The following UPF3B variants were observed in gnomAD, a reference collection of about 807,000 sequenced individuals.
UPF3B encodes the protein regulator of nonsense transcripts 3B.
A neutral mutation model predicts 40.3 loss-of-function variants in UPF3B; 7 were observed. The ratio of observed to expected loss-of-function variants is 0.17; its 90% CI spans 0.10 to 0.33. The LOEUF is 0.33. Among genes scored for constraint, UPF3B ranks in the 10% least tolerant of loss-of-function variants. The probability of loss-of-function intolerance (pLI) is 1.00; values close to 1 mark genes in which losing one functional copy is unlikely to be tolerated. For synonymous variants in UPF3B, 117 were observed against 117.3 expected, an observed-to-expected ratio of 1.00 and a Z score of 0.01; for missense variants, 229 against 358.9, an observed-to-expected ratio of 0.64 and a Z score of 2.93.
intron 1 of UPF3B, 87 bp downstream of exon 1, chrX:119,852,682 GAGAA>G: frequency 2.6e-6 from 3 of 1,164,383 alleles, no homozygotes; most frequent in Admixed American, 2.2e-5. Flanking sequence ...AGGAGAACCT[GAGAA>G]AGAAAGGGGG....
At chrX:119,819,212 C>T (rs1245345163) in intron 4 of UPF3B, among the ~76,000 whole-genome samples, 4 of 109,634 alleles carry the variant, frequency 3.6e-5, no homozygotes, top group Non-Finnish European at 1.9e-5. Context: ...CACCACCACG[C>T]CTGGCTAATT....
chrX:119,832,654 T>C (rs760881182), downstream of UPF3B, among the ~76,000 whole-genome samples: 5 of 111,588 alleles, frequency 4.5e-5, no homozygotes, highest in East Asian at 1.4e-3. Flanking sequence ...TAATCTTGGC[T>C]ACCTTGAATA....
intron 4 of UPF3B, among the ~76,000 whole-genome samples, chrX:119,844,240 G>A: frequency 9.0e-6 from 1 of 110,696 alleles, no homozygotes; most frequent in East Asian, 2.8e-4. Flanking sequence ...TAGTAGAGAT[G>A]GGGTGTCACC....
At chrX:119,833,511 T>A (rs2056058272), downstream of UPF3B, among the ~76,000 whole-genome samples, 1 of 110,119 alleles carries the variant, frequency 9.1e-6, no homozygotes, top group Non-Finnish European at 1.9e-5. Context: ...AGCTAATTTT[T>A]AAAAATTATT....
intron 4 of UPF3B, among the ~76,000 whole-genome samples, chrX:119,817,644 C>A (rs540244149): frequency 8.9e-6 from 1 of 112,128 alleles, no homozygotes; most frequent in Admixed American, 9.6e-5. Context: ...ATTGCAAAAT[C>A]TTTTGGCATC....
chrX:119,850,060 T>TGG (rs200538827), intron 3 of UPF3B, among the ~76,000 whole-genome samples: 743 of 56,802 alleles, frequency 0.013, 8 homozygotes, highest in African/African-American at 0.05. Flanking sequence ...GAGGCTGAGG[T>TGG]GGGGGGGGGG....
At chrX:119,807,296 T>C (rs781004870) in intron 6 of UPF3B, among the ~76,000 whole-genome samples, 51 of 111,856 alleles carry the variant, frequency 4.6e-4, no homozygotes, top group Non-Finnish European at 7.9e-4. Context: ...ACACAAGACT[T>C]ACTCCTCTGC....
At chrX:119,823,134 C>A in intron 3 of UPF3B, 1 of 383,471 alleles carries the variant, frequency 2.6e-6, no homozygotes, top group Non-Finnish European at 3.3e-6. Context: ...TTAATATATA[C>A]TAAAGCCCAG....
chrX:119,844,800 T>C (rs1320384156), intron 4 of UPF3B, among the ~76,000 whole-genome samples: 1 of 110,446 alleles, frequency 9.1e-6, no homozygotes. Flanking sequence ...ACAGGGTTTC[T>C]CCATGTTGGT....
downstream of UPF3B, among the ~76,000 whole-genome samples, chrX:119,831,336 T>A (rs752724251): frequency 1.3e-4 from 14 of 109,634 alleles, no homozygotes; most frequent in Non-Finnish European, 2.1e-4. Context: ...TGTTTTTTTT[T>A]TTTGAGATTG....
chrX:119,806,889 C>G (rs1221253393), intron 6 of UPF3B, among the ~76,000 whole-genome samples: 1 of 108,435 alleles, frequency 9.2e-6, no homozygotes, highest in Non-Finnish European at 1.9e-5. Flanking sequence ...ATTAGCCAGG[C>G]AAGGTGGCGG....
intron 4 of UPF3B, 60 bp downstream of exon 4, chrX:119,845,136 CAA>C: frequency 1.0e-6 from 1 of 983,204 alleles, no homozygotes; most frequent in Non-Finnish European, 1.4e-6. Flanking sequence ...TTAACTCTCA[CAA>C]AGATATTATT....
intron 5 of UPF3B, among the ~76,000 whole-genome samples, chrX:119,811,243 C>T (rs1324925086): frequency 9.0e-6 from 1 of 110,665 alleles, no homozygotes; most frequent in East Asian, 2.9e-4. Flanking sequence ...GGGGTTTTGC[C>T]GTGTTGGCCA....
rs777574933 is a variant in UPF3B at position 119,837,799 on chromosome X, T to G, written c.1260A>C (p.Glu420Asp). The change falls in exon 10 of 11, where the codon GAA (glutamate) becomes GAC (aspartate). Residue 420 changes from glutamate to aspartate, a missense_variant. Glu to Asp is a conservative substitution (Grantham distance 45). This residue lies in a region of UPF3B where 119 missense variants were observed against 153.8 expected (regional missense o/e 0.77). Coordinates refer to ENST00000276201, the MANE Select transcript of UPF3B (RefSeq NM_080632.3). ...TESIGSSEKT[E>D]KKEEVVKRDR... The stretch of plus-strand genomic sequence containing the variant: ...CTCTCTTGACCACTTCTTCTTTCTT[T>G]TCAGTTTTTTCTGAGCTGCCTATTG... 1 of 1,210,648 alleles carries G rather than the reference T, an allele frequency of 8.3e-7. No individual in the cohort carries two copies. The highest frequency in any genetic ancestry group is 1.1e-6 in the Non-Finnish European group (1 of 895,364).
At chrX:119,848,502 G>C (rs191802326) in intron 3 of UPF3B, among the ~76,000 whole-genome samples, 1 of 110,239 alleles carries the variant, frequency 9.1e-6, no homozygotes, top group Admixed American at 9.7e-5. Context: ...TGGGTAAAGA[G>C]TTTCAGTTTT....
At chrX:119,816,130 A>AC (rs952577260) in intron 4 of UPF3B, among the ~76,000 whole-genome samples, 1 of 111,059 alleles carries the variant, frequency 9.0e-6, no homozygotes, top group Non-Finnish European at 1.9e-5. Flanking sequence ...AGTGGTCCTC[A>AC]CCCCCCTTGC....
chrX:119,834,483 C>T lies in UPF3B; in HGVS notation c.*395G>A, dbSNP rs2239962. 886 of 861,562 alleles carry T rather than the reference C, an allele frequency of 1.0e-3. 18 individuals are homozygous for T. In the East Asian group the frequency reaches 0.046, roughly 44 times the overall value. The allele number at this position is 861,562 out of a possible 1,213,427, so 71.0% of individuals were successfully genotyped here. ...ATTAGATCGGAACAAGGCTTCAAAG[C>T]GACTCTGCTCCACCCAAATTCAGAA... On this transcript the variant is annotated 3_prime_UTR_variant, in exon 11 of 11. Coordinates refer to ENST00000276201, the MANE Select transcript of UPF3B (RefSeq NM_080632.3).
At position 119,834,576 on chromosome X, in the gene UPF3B, T is replaced by C. The variant is rs370648027; in HGVS notation, c.*302A>G. 5.2e-5 allele frequency: 51 copies of C among 976,318 alleles called. No homozygotes were observed. The East Asian group carries it at 1.1e-3, about 21-fold the overall frequency. The allele number at this position is 976,318 out of a possible 1,213,427, so 80.5% of individuals were successfully genotyped here. A position where few individuals can be genotyped will look rare whatever the true frequency, so the allele number is the denominator to read the frequency against. ...GCTCTTACTTTTCTCTCGTGTCATA[T>C]GTGATGAAGTCCTCACTTGACAATT... On this transcript the variant is annotated 3_prime_UTR_variant, in exon 11 of 11. Transcript: ENST00000276201.
rs1569461092 is a variant in UPF3B, at chrX:119,834,724, T to C, written c.*154A>G. 1 of 1,155,660 alleles carries C rather than the reference T, an allele frequency of 8.7e-7. No individual in the cohort carries two copies. Among genetic ancestry groups the C allele is most frequent in the East Asian group, 3.0e-5 (1 of 32,960 alleles). On this transcript the variant is annotated 3_prime_UTR_variant, in exon 11 of 11. Transcript: ENST00000276201. ...AATTCTGAACCTCTGATCAGATTCCTGCTTTGACACAAGACTTACTCCTCT... is the reference window on the plus strand; with the variant it reads ...AATTCTGAACCTCTGATCAGATTCCCGCTTTGACACAAGACTTACTCCTCT...
Sources: allele counts gnomAD v4.1 joint callset (sites outside exome capture counted in the v4.1 genomes callset), GRCh38; gene constraint gnomAD v4.1.1; regional missense constraint gnomAD v4.1.1; transcripts MANE v1.5; gene names NCBI Gene and HGNC (gene_info 2026-07-23, HGNC 2026-07-21).